The following LRIG1 variants were observed in gnomAD, a reference collection of about 807,000 sequenced individuals.
LRIG1 encodes leucine-rich repeats and immunoglobulin-like domains protein 1.
Under a neutral mutation model 99.2 loss-of-function variants are expected in LRIG1, and 48 were observed. The ratio of observed to expected loss-of-function variants is 0.48; its 90% confidence interval spans 0.38 to 0.62. LRIG1 has a LOEUF of 0.62. LRIG1 is among the 20% of genes least tolerant of loss of function. The probability of loss-of-function intolerance (pLI) is 0.00; values close to 1 mark genes in which losing one functional copy is unlikely to be tolerated. For missense variants in LRIG1, 1,646 were observed against 1,434.4 expected (o/e 1.15, Z -2.38); for synonymous variants, 772 against 596.1 (o/e 1.29, Z -4.30).
chr3:66,430,360 G>T (rs947854644), intron 3 of LRIG1, among the ~76,000 whole-genome samples: 4 of 152,118 alleles, frequency 2.6e-5, no homozygotes, highest in African/African-American at 9.7e-5. Flanking sequence ...AATAGCACGG[G>T]GTGGGGGTTA....
chr3:66,452,578 G>T (rs1259445286), intron 2 of LRIG1, among the ~76,000 whole-genome samples: 1 of 152,168 alleles, frequency 6.6e-6, no homozygotes, highest in Non-Finnish European at 1.5e-5. Flanking sequence ...ATAAAACTGG[G>T]TTCTTATTCT....
chr3:66,500,147 CAG>C, intron 1 of LRIG1, 41 bp downstream of exon 1: 1 of 1,458,388 alleles, frequency 6.9e-7, no homozygotes, highest in South Asian at 1.2e-5. Flanking sequence ...CCCCAAGTGA[CAG>C]AGCCCCGGGG....
intron 1 of LRIG1, among the ~76,000 whole-genome samples, chr3:66,475,894 C>A (rs1700712006): frequency 6.6e-6 from 1 of 152,188 alleles, no homozygotes; most frequent in South Asian, 2.1e-4. Context: ...ATAAACCAGG[C>A]ACCTTTTCAA....
Position 66,382,710 on chromosome 3 carries a change from G to A in LRIG1, c.2491+272C>T, listed in dbSNP as rs542012150. ...CCTACTACGTGGCAGCAGGGCCTGT[G>A]CATAGGCGGCCTCTGAGTTAGCAAG... is the stretch of plus-strand genomic sequence containing the variant. On this transcript the variant is annotated intron_variant, in intron 15 of 18. Coordinates refer to ENST00000273261, the MANE Select transcript of LRIG1 (RefSeq NM_015541.3). 3.4e-4 allele frequency among the ~76,000 whole-genome samples: 52 copies of A among 152,358 alleles called. 1 individual carries two copies. Among genetic ancestry groups the A allele is most frequent in the African/African-American group, 1.2e-3 (49 of 41,588 alleles).
chr3:66,441,393 C>G (rs1703533548), intron 3 of LRIG1, among the ~76,000 whole-genome samples: 1 of 152,100 alleles, frequency 6.6e-6, no homozygotes, highest in African/African-American at 2.4e-5. Context: ...TCTGCCGAGA[C>G]CTGACGACAA....
intron 15 of LRIG1, 151 bp from the exon 16 acceptor site, chr3:66,382,549 C>A: frequency 1.1e-6 from 1 of 880,180 alleles, no homozygotes; most frequent in African/African-American, 1.7e-5. Context: ...ACGCAACAGG[C>A]CCTCCCAGAG....
chr3:66,467,003 A>G (rs1700486775), intron 1 of LRIG1, among the ~76,000 whole-genome samples: 1 of 152,206 alleles, frequency 6.6e-6, no homozygotes, highest in Admixed American at 6.5e-5. Flanking sequence ...TGAGCCCAGC[A>G]ATAGATGTTC....
intron 1 of LRIG1, among the ~76,000 whole-genome samples, chr3:66,480,393 A>T (rs1311586229): frequency 6.6e-6 from 1 of 152,108 alleles, no homozygotes; most frequent in Admixed American, 6.6e-5. Context: ...CAAATCTACG[A>T]ATATACTAAA....
chr3:66,415,133 A>G lies in LRIG1; in HGVS notation c.504-70T>C, dbSNP rs1575673195. 3 of 1,472,674 alleles carry G rather than the reference A, an allele frequency of 2.0e-6. No homozygotes were observed. The East Asian group carries it at 7.0e-5, about 34-fold the overall frequency. The allele number at this position is 1,472,674 out of a possible 1,614,324, so 91.2% of individuals were successfully genotyped here. On this transcript the variant is annotated intron_variant, in intron 4 of 18. Transcript: ENST00000273261. The stretch of plus-strand genomic sequence containing the variant: ...TTCCTCATTTCATTATAGACACCAG[A>G]CCTCTCTGGGTCTGAGTTGGGAAGA...
At chr3:66,499,270 T>A (rs951238359) in intron 1 of LRIG1, among the ~76,000 whole-genome samples, 2 of 152,212 alleles carry the variant, frequency 1.3e-5, no homozygotes, top group Non-Finnish European at 2.9e-5. Context: ...TAAGTCCTAA[T>A]AAGCCCACAT....
intron 3 of LRIG1, among the ~76,000 whole-genome samples, chr3:66,438,387 G>A (rs1703431195): frequency 6.6e-6 from 1 of 152,176 alleles, no homozygotes; most frequent in African/African-American, 2.4e-5. Flanking sequence ...TACAGCCCAG[G>A]CCTCCAGTAG....
intron 3 of LRIG1, among the ~76,000 whole-genome samples, chr3:66,432,832 C>A (rs1402112071): frequency 1.3e-5 from 2 of 152,174 alleles, no homozygotes; most frequent in Non-Finnish European, 2.9e-5. Context: ...ACTGGGGCCA[C>A]ACCATGTGAC....
intron 11 of LRIG1, among the ~76,000 whole-genome samples, chr3:66,396,083 G>A (rs889622569): frequency 3.3e-5 from 5 of 152,236 alleles, no homozygotes; most frequent in African/African-American, 1.2e-4. Flanking sequence ...TCCTACACAC[G>A]CCCTGGACGT....
chr3:66,412,812 A>C (rs1702511974), intron 6 of LRIG1, 59 bp downstream of exon 6: 1 of 1,592,854 alleles, frequency 6.3e-7, no homozygotes, highest in Non-Finnish European at 8.6e-7. Context: ...CACACACGCC[A>C]CATCACACCA....
At chr3:66,497,728 A>AAG (rs1701260633) in intron 1 of LRIG1, among the ~76,000 whole-genome samples, 2 of 148,904 alleles carry the variant, frequency 1.3e-5, no homozygotes, top group South Asian at 2.2e-4. Context: ...AAAAAAAAAA[A>AAG]GGTCCCATAA....
chr3:66,434,678 C>T (rs960866759), intron 3 of LRIG1, among the ~76,000 whole-genome samples: 1 of 149,856 alleles, frequency 6.7e-6, no homozygotes, highest in African/African-American at 2.5e-5. Flanking sequence ...ACCCAGGAGG[C>T]AGAGGTTGCA....
intron 3 of LRIG1, among the ~76,000 whole-genome samples, chr3:66,439,158 T>C (rs1042811294): frequency 3.3e-5 from 5 of 152,180 alleles, no homozygotes; most frequent in Non-Finnish European, 5.9e-5. Flanking sequence ...TGCAAGGCCA[T>C]GGGGAAGGGG....
chr3:66,431,320 GAC>G (rs1002107274), intron 3 of LRIG1, among the ~76,000 whole-genome samples: 2 of 152,086 alleles, frequency 1.3e-5, no homozygotes, highest in African/African-American at 4.8e-5. Flanking sequence ...ACTGTTTCTG[GAC>G]AAGAAAAGCA....
intron 1 of LRIG1, among the ~76,000 whole-genome samples, chr3:66,480,351 G>A (rs1467841956): frequency 6.6e-6 from 1 of 151,894 alleles, no homozygotes; most frequent in African/African-American, 2.4e-5. Flanking sequence ...TTTATTTTGG[G>A]GTGATGAAAA....
Sources: gnomAD v4.1 joint callset for allele counts (sites outside exome capture counted in the v4.1 genomes callset) on GRCh38, gnomAD v4.1.1 for gene constraint, MANE v1.5 for transcripts, NCBI Gene and HGNC (gene_info 2026-07-23, HGNC 2026-07-21) for gene names.